NKAIN3: variants seen among roughly 807,000 people sequenced by gnomAD.
The protein encoded by NKAIN3 is sodium/potassium-transporting ATPase subunit beta-1-interacting protein 3.
A neutral mutation model predicts 30.2 loss-of-function variants in NKAIN3; 25 were observed. The observed-to-expected ratio is 0.83, with a 90% CI of 0.60 to 1.16. The LOEUF (loss-of-function observed/expected upper bound fraction) is 1.16. Ranked by LOEUF, NKAIN3 falls within the 50% of genes most tolerant of loss-of-function variation. The probability of loss-of-function intolerance (pLI) is 0.00; values close to 1 mark genes in which losing one functional copy is unlikely to be tolerated. For synonymous variants in NKAIN3, 91 were observed against 89.6 expected, an observed-to-expected ratio of 1.02 and a Z score of -0.09; for missense variants, 225 against 254.1, an observed-to-expected ratio of 0.89 and a Z score of 0.78.
intron 1 of NKAIN3, among the ~76,000 whole-genome samples, chr8:62,359,633 G>A (rs1441271370): frequency 6.6e-6 from 1 of 152,194 alleles, no homozygotes; most frequent in East Asian, 1.9e-4. Context: ...CCACTACTAT[G>A]AAGAGTACTA....
At chr8:62,509,757 A>G (rs1787536606) in intron 1 of NKAIN3, among the ~76,000 whole-genome samples, 1 of 152,162 alleles carries the variant, frequency 6.6e-6, no homozygotes, top group South Asian at 2.1e-4. Context: ...TATTATCCAT[A>G]GTTCTCTATT....
intron 4 of NKAIN3, among the ~76,000 whole-genome samples, chr8:62,870,603 A>G (rs1489922059): frequency 8.1e-6 from 1 of 123,246 alleles, no homozygotes; most frequent in African/African-American, 3.2e-5. Context: ...TACAACATAT[A>G]CATATACAAT....
chr8:62,779,934 G>T (rs28788185), intron 4 of NKAIN3, among the ~76,000 whole-genome samples: 12,237 of 151,882 alleles, frequency 0.081, 505 homozygotes, highest in Non-Finnish European at 0.085. Context: ...AATTGACAGA[G>T]AAAAGAAATA....
chr8:62,767,096 C>T (rs1458134569), intron 4 of NKAIN3, among the ~76,000 whole-genome samples: 1 of 152,104 alleles, frequency 6.6e-6, no homozygotes, highest in Non-Finnish European at 1.5e-5. Flanking sequence ...ACCTCAATTC[C>T]CTTTTAGTTA....
In NKAIN3 at chr8:62,477,315, G is replaced by T. The variant is rs576121089; in HGVS notation, c.55-102224G>T. On this transcript the variant is annotated intron_variant, in intron 1 of 6. Transcript: ENST00000623646. ...TTTGGAGCCCTTTGCCAAAGACAGT[G>T]ACAACAGTACATCTATTTTGCACTG... 7.9e-5 allele frequency among the ~76,000 whole-genome samples: 12 copies of T among 151,262 alleles called. No homozygotes were observed. In the South Asian group the frequency reaches 2.5e-3, roughly 32 times the overall value.
chr8:62,268,036 C>T (rs1199186991), intron 1 of NKAIN3, among the ~76,000 whole-genome samples: 1 of 152,112 alleles, frequency 6.6e-6, no homozygotes, highest in Non-Finnish European at 1.5e-5. Context: ...CAGATTTAGA[C>T]AATGGGTATT....
intron 3 of NKAIN3, among the ~76,000 whole-genome samples, chr8:62,672,633 A>T (rs1460970123): frequency 1.3e-5 from 2 of 152,182 alleles, no homozygotes; most frequent in Admixed American, 6.5e-5. Context: ...TGAGTCCTTG[A>T]TCAGGCACAG....
chr8:62,800,826 G>A (rs1036482154), intron 4 of NKAIN3, among the ~76,000 whole-genome samples: 5 of 152,202 alleles, frequency 3.3e-5, no homozygotes, highest in African/African-American at 9.6e-5. Flanking sequence ...TGCCTCACTC[G>A]GGAAGTGCAA....
chr8:62,722,628 A>G (rs971995490), intron 3 of NKAIN3, among the ~76,000 whole-genome samples: 9 of 152,202 alleles, frequency 5.9e-5, no homozygotes, highest in African/African-American at 2.2e-4. Context: ...CAAGGAGTCC[A>G]TGGAGACGTG....
At chr8:62,790,003 C>A (rs1159475000) in intron 4 of NKAIN3, among the ~76,000 whole-genome samples, 1 of 151,914 alleles carries the variant, frequency 6.6e-6, no homozygotes, top group African/African-American at 2.4e-5. Flanking sequence ...GGCAGAGACA[C>A]AATAAAAAAA....
At position 62,482,140 on chromosome 8, in the gene NKAIN3, G is replaced by A. The variant is rs565197232; in HGVS notation, c.55-97399G>A. 4.6e-5 allele frequency: 7 copies of A among 152,272 alleles called. No individual in the cohort carries two copies. In the South Asian group the frequency reaches 1.4e-3, roughly 32 times the overall value. 9.4% of individuals were successfully genotyped at this position (152,272 alleles called of 1,614,324 possible). A position where few individuals can be genotyped will look rare whatever the true frequency, so the allele number is the denominator to read the frequency against. ...AGTCTGCCTTTCACTGTTGGTTATCGTTTTCTAGCCTCCTCTTTTATTCCC... is the reference window on the plus strand; with the variant it reads ...AGTCTGCCTTTCACTGTTGGTTATCATTTTCTAGCCTCCTCTTTTATTCCC... On this transcript the variant is annotated intron_variant, in intron 1 of 6. Coordinates refer to ENST00000623646, the MANE Select transcript of NKAIN3 (RefSeq NM_001304533.3).
At chr8:62,932,995 A>AACACACACACACACACAC (rs59854103) in intron 5 of NKAIN3, among the ~76,000 whole-genome samples, 101 of 141,886 alleles carry the variant, frequency 7.1e-4, no homozygotes, top group Admixed American at 2.4e-3. Flanking sequence ...TCACTCAATG[A>AACACACACACACACACAC]ACACACACAC....
At chr8:62,852,276 T>C (rs1161176654) in intron 4 of NKAIN3, among the ~76,000 whole-genome samples, 2 of 152,230 alleles carry the variant, frequency 1.3e-5, no homozygotes, top group African/African-American at 2.4e-5. Flanking sequence ...TGGTAGTTTA[T>C]ATTTCTGTGG....
rs541751200 is a variant in NKAIN3, at chr8:62,788,734, G to A, written c.471+41605G>A. On this transcript the variant is annotated intron_variant, in intron 4 of 6. Transcript: ENST00000623646. ...GTATAAGGTGTAAGGAAGGGATCCA[G>A]TTTCAGCTTTCTACATATGGCTAGC... Among the ~76,000 whole-genome samples, 4 of 151,772 alleles carry A rather than the reference G, an allele frequency of 2.6e-5. No individual in the cohort carries two copies. The East Asian group carries it at 7.7e-4, about 29-fold the overall frequency.
In NKAIN3 at chr8:62,973,056, T is replaced by G. The variant is rs1428809066; in HGVS notation, c.*7649T>G. ...ATGGTGTATATGTGCCACATTTTCT[T>G]TATCCGTTCTAACATTGATGGGCAT... On this transcript the variant is annotated 3_prime_UTR_variant, in exon 7 of 7. Transcript: ENST00000623646. Among the ~76,000 whole-genome samples the G allele has an allele frequency of 6.6e-6, 1 of 152,202 alleles. No individual in the cohort carries two copies. Among genetic ancestry groups the G allele is most frequent in the Non-Finnish European group, 1.5e-5 (1 of 68,028 alleles).
At chr8:62,908,263 T>C (rs745489044) in intron 4 of NKAIN3, among the ~76,000 whole-genome samples, 7 of 152,204 alleles carry the variant, frequency 4.6e-5, no homozygotes, top group African/African-American at 1.4e-4. Context: ...ACCCCCATTG[T>C]ATCTTGGAAG....
intron 1 of NKAIN3, among the ~76,000 whole-genome samples, chr8:62,283,596 TCTAA>T (rs958278637): frequency 6.6e-6 from 1 of 152,142 alleles, no homozygotes; most frequent in African/African-American, 2.4e-5. Flanking sequence ...CCATATTTTT[TCTAA>T]CTGATTATTG....
At chr8:62,500,957 C>A (rs966937409) in intron 1 of NKAIN3, among the ~76,000 whole-genome samples, 2 of 152,140 alleles carry the variant, frequency 1.3e-5, no homozygotes, top group African/African-American at 4.8e-5. Flanking sequence ...GCCAAATGTT[C>A]TTGCCAACAT....
chr8:62,383,519 C>T, intron 1 of NKAIN3: 1 of 455,540 alleles, frequency 2.2e-6, no homozygotes, highest in African/African-American at 2.0e-5. Flanking sequence ...GCAGATCTTT[C>T]TCCTCAATGA....
Sources: gnomAD v4.1 joint callset for allele counts (sites outside exome capture counted in the v4.1 genomes callset) on GRCh38, gnomAD v4.1.1 for gene constraint, MANE v1.5 for transcripts, NCBI Gene and HGNC (gene_info 2026-07-23, HGNC 2026-07-21) for gene names.